EIF2S1: variants seen among roughly 807,000 people sequenced by gnomAD.
EIF2S1 encodes eukaryotic translation initiation factor 2 subunit 1.
EIF2S1 carries 5 observed loss-of-function variants against 33.5 expected under a neutral mutation model. That is an observed-to-expected ratio of 0.15 (90% CI 0.08 to 0.31). EIF2S1 has a LOEUF of 0.31. Among genes scored for constraint, EIF2S1 ranks in the 10% least tolerant of loss-of-function variants. The pLI is 1.00. For synonymous variants in EIF2S1, 99 were observed against 127.5 expected (o/e 0.78, Z 1.51); for missense variants, 191 against 384.6 (o/e 0.50, Z 4.21).
intron 7 of EIF2S1, chr14:67,382,827 T>A (rs1595651279): frequency 3.7e-6 from 2 of 534,244 alleles, no homozygotes; most frequent in Non-Finnish European, 6.6e-6. Context: ...TAAAATTTGA[T>A]CTCAGAATTG....
At chr14:67,376,621 C>G in intron 4 of EIF2S1, 31 bp downstream of exon 4, 5 of 1,600,610 alleles carry the variant, frequency 3.1e-6, no homozygotes, top group Non-Finnish European at 4.3e-6. Context: ...CTCCTTCTAC[C>G]TTGATATCAC....
At position 67,375,797 on chromosome 14, in the gene EIF2S1, C is replaced by G. The variant is rs566407097; in HGVS notation, c.322-642C>G. Reference sequence around the variant, plus strand: ...CTGTTTTTTTAGAAATACAGACTCTCAGGTCCTACTAACTTTTGAGAAGCA... The same window carrying G: ...CTGTTTTTTTAGAAATACAGACTCTGAGGTCCTACTAACTTTTGAGAAGCA... On this transcript the variant is annotated intron_variant, in intron 3 of 7. Coordinates refer to ENST00000256383, the MANE Select transcript of EIF2S1 (RefSeq NM_004094.5). Among the ~76,000 whole-genome samples the G allele has an allele frequency of 5.9e-5, 9 of 152,320 alleles. No homozygotes were observed. The South Asian group carries it at 1.9e-3, about 32-fold the overall frequency.
rs777603703 is a variant in EIF2S1 at position 67,381,705 on chromosome 14, G to A, written c.678+15G>A. On this transcript the variant is annotated intron_variant, in intron 6 of 7. Transcript: ENST00000256383. ...TGCCCATTAAGGTGAGTCATGAGTT[G>A]TCTCCCTCCCTGCTGAAATGCTCAC... 11 of 1,578,834 alleles carry A rather than the reference G, an allele frequency of 7.0e-6. No individual in the cohort carries two copies. In the Admixed American group the frequency reaches 1.9e-4, roughly 27 times the overall value.
intron 2 of EIF2S1, among the ~76,000 whole-genome samples, chr14:67,373,538 T>C (rs528483892): frequency 3.7e-4 from 56 of 152,356 alleles, no homozygotes; most frequent in African/African-American, 1.3e-3. Context: ...ACAGACATGC[T>C]GTCCTCCAGT....
At chr14:67,375,370 C>A (rs2085851964) in intron 3 of EIF2S1, among the ~76,000 whole-genome samples, 1 of 152,050 alleles carries the variant, frequency 6.6e-6, no homozygotes, top group Non-Finnish European at 1.5e-5. Context: ...ATCCTCTCGC[C>A]TCTGCCTCCC....
intron 4 of EIF2S1, among the ~76,000 whole-genome samples, chr14:67,379,654 CTTTTTT>C (rs541791101): frequency 2.5e-5 from 3 of 119,954 alleles, no homozygotes; most frequent in Admixed American, 9.2e-5. Context: ...TTTTCTTTTT[CTTTTTT>C]TTTTTTTTTT....
At chr14:67,362,766 T>A (rs2085751418) in intron 1 of EIF2S1, among the ~76,000 whole-genome samples, 1 of 152,180 alleles carries the variant, frequency 6.6e-6, no homozygotes, top group Admixed American at 6.5e-5. Flanking sequence ...AAAATTTAAG[T>A]TATTAGCATT....
chr14:67,369,673 G>A (rs1311967028), intron 2 of EIF2S1, among the ~76,000 whole-genome samples: 1 of 152,178 alleles, frequency 6.6e-6, no homozygotes, highest in East Asian at 1.9e-4. Context: ...TATCTTGGGA[G>A]GGAAGAGTTT....
chr14:67,381,125 G>A lies in EIF2S1; in HGVS notation c.580+360G>A, dbSNP rs2085885723. 2.0e-5 allele frequency among the ~76,000 whole-genome samples: 3 copies of A among 152,130 alleles called. No homozygotes were observed. In the South Asian group the frequency reaches 6.2e-4, roughly 32 times the overall value. ...GCCTTTTCCACCCAGTGTATCATAG[G>A]TACCCTTCCATTGCAGAACATAGGA... On this transcript the variant is annotated intron_variant, in intron 5 of 7. Transcript: ENST00000256383.
At chr14:67,370,424 T>C (rs2085813070) in intron 2 of EIF2S1, among the ~76,000 whole-genome samples, 1 of 152,172 alleles carries the variant, frequency 6.6e-6, no homozygotes, top group Admixed American at 6.5e-5. Context: ...AGTTAAAAAC[T>C]TGTTTTTTGT....
At chr14:67,381,520 C>A in intron 5 of EIF2S1, 73 bp from the exon 6 acceptor site, 1 of 1,146,188 alleles carries the variant, frequency 8.7e-7, no homozygotes, top group Non-Finnish European at 1.3e-6. Context: ...ATATCTGCCA[C>A]GTGTTTGATT....
At chr14:67,371,414 TC>T (rs886120988) in intron 2 of EIF2S1, among the ~76,000 whole-genome samples, 1 of 151,182 alleles carries the variant, frequency 6.6e-6, no homozygotes, top group African/African-American at 2.4e-5. Flanking sequence ...AGCAAGACTG[TC>T]TCCCACCAAA....
chr14:67,365,158 C>G, intron 2 of EIF2S1, 150 bp downstream of exon 2: 1 of 817,502 alleles, frequency 1.2e-6, no homozygotes, highest in Non-Finnish European at 1.8e-6. Flanking sequence ...GAAAAGGATG[C>G]CAATTAGCTA....
chr14:67,371,422 C>CA (rs898878534), intron 2 of EIF2S1, among the ~76,000 whole-genome samples: 348 of 129,642 alleles, frequency 2.7e-3, no homozygotes, highest in Non-Finnish European at 2.3e-3. Flanking sequence ...TGTCTCCCAC[C>CA]AAAAAAAAAA....
rs551840623 is a variant in EIF2S1 at position 67,369,965 on chromosome 14, G to A, written c.242-4503G>A. Among the ~76,000 whole-genome samples the A allele has an allele frequency of 1.1e-4, 17 of 152,316 alleles. No individual in the cohort carries two copies. The South Asian group carries it at 3.3e-3, about 30-fold the overall frequency. ...GGTCTCACAGCCTTCAGAGCTGAGA[G>A]CCCCGAACAGAGATTTACCCACATA... On this transcript the variant is annotated intron_variant, in intron 2 of 7. Coordinates refer to ENST00000256383, the MANE Select transcript of EIF2S1 (RefSeq NM_004094.5).
chr14:67,360,936 C>T (rs749789096), intron 1 of EIF2S1, among the ~76,000 whole-genome samples: 1 of 152,140 alleles, frequency 6.6e-6, no homozygotes, highest in Non-Finnish European at 1.5e-5. Flanking sequence ...ACCTGTGGGA[C>T]GGGCACCGTG....
Position 67,374,650 on chromosome 14 carries a change from T to C in EIF2S1, c.321+103T>C, listed in dbSNP as rs577758871. On this transcript the variant is annotated intron_variant, in intron 3 of 7. Coordinates refer to ENST00000256383, the MANE Select transcript of EIF2S1 (RefSeq NM_004094.5). The stretch of plus-strand genomic sequence containing the variant: ...TACTACCTTAAAGTATTGCTTATGA[T>C]CTAATATTCTCAAATTAGTACTAGA... 82 of 715,862 alleles carry C rather than the reference T, an allele frequency of 1.1e-4. 2 individuals carry two copies. In the African/African-American group the frequency reaches 1.5e-3, roughly 13 times the overall value. 44.3% of individuals were successfully genotyped at this position (715,862 alleles called of 1,614,324 possible).
At chr14:67,363,520 T>G (rs767059203) in intron 1 of EIF2S1, among the ~76,000 whole-genome samples, 6 of 152,206 alleles carry the variant, frequency 3.9e-5, no homozygotes, top group Non-Finnish European at 8.8e-5. Context: ...GAATATAGTC[T>G]TACTGATAAG....
chr14:67,373,139 CAT>C (rs1454474686), intron 2 of EIF2S1, among the ~76,000 whole-genome samples: 1 of 152,156 alleles, frequency 6.6e-6, no homozygotes, highest in Non-Finnish European at 1.5e-5. Flanking sequence ...ATAAAATTAA[CAT>C]GTACTTAATA....
Sources: allele counts gnomAD v4.1 joint callset (sites outside exome capture counted in the v4.1 genomes callset), GRCh38; gene constraint gnomAD v4.1.1; transcripts MANE v1.5; gene names NCBI Gene and HGNC (gene_info 2026-07-23, HGNC 2026-07-21).